Variants in PAPSS1 observed in about 807,000 individuals in gnomAD.
PAPSS1 encodes the protein 3'-phosphoadenosine 5'-phosphosulfate synthase 1, also known as bifunctional 3'-phosphoadenosine 5'-phosphosulfate synthase 1.
PAPSS1 carries 50 observed loss-of-function variants against 72.0 expected under a neutral mutation model. That is an observed-to-expected ratio of 0.69 (90% CI 0.55 to 0.88). PAPSS1 has a LOEUF of 0.88. Ranked by LOEUF, PAPSS1 falls within the 40% of genes least tolerant of loss-of-function variation. PAPSS1 has a pLI of 0.00. For missense variants in PAPSS1, 657 were observed against 782.2 expected (o/e 0.84, Z 1.91); for synonymous variants, 261 against 263.6 (o/e 0.99, Z 0.09).
In PAPSS1 at chr4:107,663,159, A is replaced by G. The variant is rs572577695; in HGVS notation, c.670-3087T>C. 1.7e-4 allele frequency among the ~76,000 whole-genome samples: 26 copies of G among 152,294 alleles called. 1 individual carries two copies. Among genetic ancestry groups the G allele is most frequent in the African/African-American group, 6.3e-4 (26 of 41,576 alleles). Reference sequence around the variant, plus strand: ...ACTTTCACGAGACACTTAAAATTAAATATTTACATAATCACAAAGCTTTAG... The same window carrying G: ...ACTTTCACGAGACACTTAAAATTAAGTATTTACATAATCACAAAGCTTTAG... On this transcript the variant is annotated intron_variant, in intron 5 of 11. Coordinates refer to ENST00000265174, the MANE Select transcript of PAPSS1 (RefSeq NM_005443.5).
At chr4:107,634,888 C>G (rs1483447688) in intron 10 of PAPSS1, among the ~76,000 whole-genome samples, 1 of 149,534 alleles carries the variant, frequency 6.7e-6, no homozygotes, top group Non-Finnish European at 1.5e-5. Flanking sequence ...AGCTCCGCCT[C>G]CTGGGTTCAC....
rs531036463 is a variant in PAPSS1, at chr4:107,712,851, G to A, written c.60+7269C>T. Among the ~76,000 whole-genome samples, 4 of 144,320 alleles carry A rather than the reference G, an allele frequency of 2.8e-5. 1 individual carries two copies. Among genetic ancestry groups the A allele is most frequent in the African/African-American group, 1.0e-4 (4 of 39,304 alleles). The allele number at this position is 144,320 out of a possible 152,430, so 94.7% of individuals were successfully genotyped here. A position where few individuals can be genotyped will look rare whatever the true frequency, so the allele number is the denominator to read the frequency against. On this transcript the variant is annotated intron_variant, in intron 1 of 11. Transcript: ENST00000265174. ...TTGCGCCACTGCACTCCAGCCAGGC[G>A]ACAGAGCGAGACTCCGTCTCGGGAA...
chr4:107,653,927 A>T (rs1355233137), intron 8 of PAPSS1, among the ~76,000 whole-genome samples: 1 of 152,226 alleles, frequency 6.6e-6, no homozygotes, highest in Non-Finnish European at 1.5e-5. Flanking sequence ...TTATTAACAG[A>T]ACAATTTGTA....
At chr4:107,720,068 T>G in intron 1 of PAPSS1, 52 bp downstream of exon 1, 1 of 1,583,836 alleles carries the variant, frequency 6.3e-7, no homozygotes, top group Non-Finnish European at 8.6e-7. Context: ...CGGAACGAGC[T>G]GCTCCCACAG....
chr4:107,704,063 C>T (rs974765735), intron 1 of PAPSS1, among the ~76,000 whole-genome samples: 1 of 152,016 alleles, frequency 6.6e-6, no homozygotes, highest in Admixed American at 6.5e-5. Flanking sequence ...TCTCTTACTT[C>T]CTTGGTTAAA....
chr4:107,697,606 T>C (rs1723101765), intron 2 of PAPSS1, among the ~76,000 whole-genome samples: 1 of 152,240 alleles, frequency 6.6e-6, no homozygotes, highest in African/African-American at 2.4e-5. Flanking sequence ...ATAAGCACTG[T>C]TGAAAATTGA....
intron 11 of PAPSS1, among the ~76,000 whole-genome samples, chr4:107,630,640 T>G (rs1726203985): frequency 6.6e-6 from 1 of 152,156 alleles, no homozygotes; most frequent in Admixed American, 6.5e-5. Flanking sequence ...TACCAATAAT[T>G]TGTACTAAAA....
At chr4:107,621,733 G>A (rs1163909930) in intron 11 of PAPSS1, among the ~76,000 whole-genome samples, 1 of 143,606 alleles carries the variant, frequency 7.0e-6, no homozygotes, top group African/African-American at 2.6e-5. Flanking sequence ...CCATTCTCCT[G>A]CCTCAGCCTC....
In PAPSS1 at chr4:107,614,334, T is replaced by C. The variant is rs542008559; in HGVS notation, c.1790A>G (p.Glu597Gly). The C allele has an allele frequency of 6.2e-7, 1 of 1,614,026 alleles. No homozygotes were observed. Among genetic ancestry groups the C allele is most frequent in the South Asian group, 1.1e-5 (1 of 91,076 alleles). Residue 597 changes from glutamate to glycine, a missense_variant, in exon 12 of 12, where the codon GAA becomes GGA. This residue lies in a region of PAPSS1 where 103 missense variants were observed against 93.8 expected (regional missense o/e 1.10). Coordinates refer to ENST00000265174, the MANE Select transcript of PAPSS1 (RefSeq NM_005443.5). ...SGTRMRKLAR[E>G]GQKPPEGFMA... Reference sequence around the variant, plus strand: ...GAAACCTTCAGGTGGTTTCTGGCCTTCTCGAGCAAGTTTGCGCATTCGTGT... The same window carrying C: ...GAAACCTTCAGGTGGTTTCTGGCCTCCTCGAGCAAGTTTGCGCATTCGTGT...
chr4:107,711,442 G>A (rs1047448593), intron 1 of PAPSS1, among the ~76,000 whole-genome samples: 1 of 152,142 alleles, frequency 6.6e-6, no homozygotes, highest in African/African-American at 2.4e-5. Context: ...CAACTTCTCT[G>A]TGATGCTACT....
chr4:107,677,205 A>G (rs770509482), intron 5 of PAPSS1, among the ~76,000 whole-genome samples: 6,980 of 152,252 alleles, frequency 0.046, 218 homozygotes, highest in Middle Eastern at 0.099. Context: ...TAAACTCAAG[A>G]GCTTCTGCAC....
intron 4 of PAPSS1, among the ~76,000 whole-genome samples, chr4:107,686,703 T>A (rs1485144177): frequency 2.6e-5 from 4 of 152,220 alleles, no homozygotes; most frequent in Non-Finnish European, 5.9e-5. Context: ...TTTCCTCCAT[T>A]TTCCCTGGAA....
chr4:107,672,489 T>A (rs551456679), intron 5 of PAPSS1, among the ~76,000 whole-genome samples: 1 of 152,188 alleles, frequency 6.6e-6, no homozygotes, highest in South Asian at 2.1e-4. Context: ...CAGTCTGAGA[T>A]CAAACTGCAA....
At position 107,687,116 on chromosome 4, in the gene PAPSS1, A is replaced by T. The variant is rs769455717; in HGVS notation, c.473T>A (p.Val158Asp). The change falls in exon 4 of 12, where the codon GTT becomes GAT. Residue 158 changes from valine to aspartate, a missense_variant. Around this residue, in one of 7 missense-constraint regions of PAPSS1, gnomAD observed 119 missense variants for 171.1 expected, o/e 0.70. Transcript: ENST00000265174. Reference protein sequence around the residue: ...GASLPFFEVFVDAPLHVCEQR... With the variant: ...GASLPFFEVFDDAPLHVCEQR... ...TTCACAAACATGCAGAGGAGCATCA[A>T]CAAATACTTCAAAAAACGGTAAACT... is the stretch of plus-strand genomic sequence containing the variant. 6.2e-7 allele frequency: 1 copy of T among 1,603,616 alleles called. No homozygotes were observed. The highest frequency in any genetic ancestry group is 1.1e-5 in the South Asian group (1 of 88,190).
intron 11 of PAPSS1, among the ~76,000 whole-genome samples, chr4:107,622,250 G>A (rs1276941792): frequency 6.6e-6 from 1 of 152,118 alleles, no homozygotes; most frequent in African/African-American, 2.4e-5. Context: ...ATTCCACACT[G>A]GGGGCAAAGC....
At chr4:107,687,246 G>A in intron 3 of PAPSS1, 69 bp from the exon 4 acceptor site, 5 of 1,135,560 alleles carry the variant, frequency 4.4e-6, no homozygotes, top group Non-Finnish European at 4.7e-6. Flanking sequence ...TTAAAGATGA[G>A]TAAAAAGTGC....
intron 5 of PAPSS1, among the ~76,000 whole-genome samples, chr4:107,663,888 A>T (rs1296427995): frequency 6.6e-6 from 1 of 152,226 alleles, no homozygotes; most frequent in Non-Finnish European, 1.5e-5. Context: ...GTATTTTGTC[A>T]CACAAATTTT....
At chr4:107,646,377 CT>C (rs1157533696) in intron 9 of PAPSS1, among the ~76,000 whole-genome samples, 200 of 142,396 alleles carry the variant, frequency 1.4e-3, no homozygotes, top group South Asian at 2.7e-3. Flanking sequence ...GTTTTGTCCA[CT>C]TTTTTTTTTT....
intron 2 of PAPSS1, among the ~76,000 whole-genome samples, chr4:107,700,257 GGA>G (rs1298404781): frequency 3.3e-5 from 5 of 152,172 alleles, no homozygotes; most frequent in Admixed American, 6.5e-5. Context: ...ACTGCTGGTA[GGA>G]GAGTAAACTG....
Sources: allele counts gnomAD v4.1 joint callset (sites outside exome capture counted in the v4.1 genomes callset), GRCh38; gene constraint gnomAD v4.1.1; regional missense constraint gnomAD v4.1.1; transcripts MANE v1.5; gene names NCBI Gene and HGNC (gene_info 2026-07-23, HGNC 2026-07-21).